The following PHC3 variants were observed in gnomAD, a reference collection of about 807,000 sequenced individuals.
PHC3 encodes the protein polyhomeotic homolog 3.
A neutral mutation model predicts 107.4 loss-of-function variants in PHC3; 13 were observed. The ratio of observed to expected loss-of-function variants is 0.12; its 90% CI spans 0.08 to 0.19. The LOEUF (loss-of-function observed/expected upper bound fraction) is 0.19, where lower values mean the gene tolerates loss of function less well. Among genes scored for constraint, PHC3 ranks in the 10% least tolerant of loss-of-function variants. The pLI is 1.00. For synonymous variants in PHC3, 456 were observed against 427.4 expected (o/e 1.07, Z -0.83); for missense variants, 992 against 1,210.9 (o/e 0.82, Z 2.68).
In PHC3 at chr3:170,088,179, C is replaced by T. The variant is rs1204465455; in HGVS notation, c.*9051G>A. ...TTTCTGTAAAGATAAAAAATGTTTT[C>T]TTTCCCCTTGGTGATCTTTGTTCAT... On this transcript the variant is annotated 3_prime_UTR_variant, in exon 15 of 15. Transcript: ENST00000495893. 2 of 152,074 alleles carry T rather than the reference C, an allele frequency of 1.3e-5. No individual in the cohort carries two copies. Among genetic ancestry groups the T allele is most frequent in the African/African-American group, 4.8e-5 (2 of 41,442 alleles). The allele number at this position is 152,074 out of a possible 1,614,324, so 9.4% of individuals were successfully genotyped here.
At chr3:170,119,050 A>AG (rs965061654) in intron 9 of PHC3, among the ~76,000 whole-genome samples, 17 of 151,500 alleles carry the variant, frequency 1.1e-4, no homozygotes, top group South Asian at 1.0e-3. Context: ...AAAAAAAAAA[A>AG]AAAAAGAAAA....
In PHC3 at chr3:170,103,881, C is replaced by T. The variant is rs949735370; in HGVS notation, c.2469-947G>A. ...AGTAAATGGCAAGACCAGTTCAAGG[C>T]CAACACGGTGAAAACCCGTCTCTAC... On this transcript the variant is annotated intron_variant, in intron 12 of 14. Coordinates refer to ENST00000495893, the MANE Select transcript of PHC3 (RefSeq NM_024947.4). Among the ~76,000 whole-genome samples the T allele has an allele frequency of 2.0e-5, 3 of 152,102 alleles. No individual in the cohort carries two copies. The South Asian group carries it at 6.2e-4, about 32-fold the overall frequency.
chr3:170,156,327 G>A (rs1005919975), intron 4 of PHC3, among the ~76,000 whole-genome samples: 2 of 151,950 alleles, frequency 1.3e-5, no homozygotes, highest in Non-Finnish European at 2.9e-5. Context: ...CACAATCTCC[G>A]CTCACTGCAA....
intron 6 of PHC3, among the ~76,000 whole-genome samples, chr3:170,137,428 G>C (rs1723280872): frequency 1.3e-5 from 2 of 152,200 alleles, no homozygotes; most frequent in Non-Finnish European, 1.5e-5. Flanking sequence ...ATGCAAGACA[G>C]AAAAATGCTG....
chr3:170,112,025 T>C (rs1341796202), intron 11 of PHC3, among the ~76,000 whole-genome samples: 5 of 152,138 alleles, frequency 3.3e-5, no homozygotes, highest in African/African-American at 9.7e-5. Context: ...CTGAACTCTA[T>C]CACCTGAAGG....
rs1721880335 is a variant in PHC3, at chr3:170,129,348, G to T, written c.1124C>A (p.Ala375Asp). 6.2e-7 allele frequency: 1 copy of T among 1,613,858 alleles called. No homozygotes were observed. Among genetic ancestry groups the T allele is most frequent in the African/African-American group, 1.3e-5 (1 of 74,926 alleles). ...IPLQNHGLPPAPSNAQSQHCS... is the reference protein window; with the variant it reads ...IPLQNHGLPPDPSNAQSQHCS... ...ATGCTGTGACTGGGCATTACTGGGAGCTGGAGGAAGGCCATGGTTCTGGAG... is the reference window on the plus strand; with the variant it reads ...ATGCTGTGACTGGGCATTACTGGGATCTGGAGGAAGGCCATGGTTCTGGAG... The change falls in exon 8 of 15, where the codon GCT (alanine) becomes GAT (aspartate). Residue 375 changes from alanine (A) to aspartate (D), a missense_variant. Coordinates refer to ENST00000495893, the MANE Select transcript of PHC3 (RefSeq NM_024947.4).
chr3:170,123,268 TTA>T (rs778288331), intron 8 of PHC3, among the ~76,000 whole-genome samples: 18 of 151,966 alleles, frequency 1.2e-4, no homozygotes, highest in Non-Finnish European at 2.4e-4. Flanking sequence ...AGATACGCAA[TTA>T]TATCTCTCCT....
intron 2 of PHC3, among the ~76,000 whole-genome samples, chr3:170,177,286 C>T (rs1410932059): frequency 6.6e-6 from 1 of 152,176 alleles, no homozygotes; most frequent in Non-Finnish European, 1.5e-5. Flanking sequence ...ACTGTAGCAG[C>T]ACCTAGAGAC....
chr3:170,102,649 G>T lies in PHC3; in HGVS notation c.2663C>A (p.Ser888Tyr). The stretch of plus-strand genomic sequence containing the variant: ...CCTGCGCAGACGAGTTGTCATAGCA[G>T]ATGGCACAGAATCTTCATGAGAAGC... ...DLASHEDSVP[S>Y]AMTTRLRRQS... The change falls in exon 14 of 15, where the codon TCT becomes TAT. Residue 888 changes from serine (S) to tyrosine (Y), a missense_variant. Coordinates refer to ENST00000495893, the MANE Select transcript of PHC3 (RefSeq NM_024947.4). 3 of 1,613,998 alleles carry T rather than the reference G, an allele frequency of 1.9e-6. No homozygotes were observed. The highest frequency in any genetic ancestry group is 2.5e-6 in the Non-Finnish European group (3 of 1,179,878).
chr3:170,125,200 G>A (rs888410661), intron 8 of PHC3, among the ~76,000 whole-genome samples: 9 of 151,852 alleles, frequency 5.9e-5, no homozygotes, highest in East Asian at 3.9e-4. Context: ...GTTATTGTTC[G>A]GAGCAACAAT....
intron 4 of PHC3, among the ~76,000 whole-genome samples, chr3:170,151,725 T>C (rs1228151236): frequency 1.3e-5 from 2 of 152,198 alleles, no homozygotes; most frequent in Non-Finnish European, 2.9e-5. Flanking sequence ...GAAGCTTGCA[T>C]CTGCCCTGCT....
chr3:170,113,456 C>A lies in PHC3; in HGVS notation c.2257G>T (p.Val753Leu), dbSNP rs764596377. The change falls in exon 11 of 15, where the codon GTG (valine) becomes TTG (leucine). Residue 753 changes from valine (V) to leucine (L), a missense_variant. By Grantham distance (32) the Val-to-Leu change is conservative. This residue lies in a region of PHC3 where 228 missense variants were observed against 288.8 expected (regional missense o/e 0.79). Coordinates refer to ENST00000495893, the MANE Select transcript of PHC3 (RefSeq NM_024947.4). ...GGCTGAACACACACTGAATTTATCA[C>A]CTGATTATCCAAAAGAGGCCGTTTT... ...VKKRPLLDNQ[V>L]INSVCVQPEL... 6 of 1,612,814 alleles carry A rather than the reference C, an allele frequency of 3.7e-6. No homozygotes were observed. Among genetic ancestry groups the A allele is most frequent in the Admixed American group, 3.3e-5 (2 of 59,906 alleles).
chr3:170,112,725 TGTTGGTCAG>T (rs976582430), intron 11 of PHC3, among the ~76,000 whole-genome samples: 1 of 152,120 alleles, frequency 6.6e-6, no homozygotes, highest in Non-Finnish European at 1.5e-5. Context: ...GGTTTCACCA[TGTTGGTCAG>T]GCTGGTCTCA....
Position 170,173,854 on chromosome 3 carries a change from T to C in PHC3, c.181-1142A>G, listed in dbSNP as rs145899370. Among the ~76,000 whole-genome samples the C allele has an allele frequency of 4.8e-3, 731 of 152,320 alleles. 5 individuals carry two copies. The highest frequency in any genetic ancestry group is 0.017 in the African/African-American group (699 of 41,566). ...CTTCTACTTCATACTCTTCTATAGA[T>C]GTCTGAAAATCTTACAATGAGCAGG... On this transcript the variant is annotated intron_variant, in intron 2 of 14. Coordinates refer to ENST00000495893, the MANE Select transcript of PHC3 (RefSeq NM_024947.4).
intron 14 of PHC3, among the ~76,000 whole-genome samples, chr3:170,101,758 T>C (rs1319093643): frequency 1.3e-5 from 2 of 152,060 alleles, no homozygotes; most frequent in African/African-American, 2.4e-5. Context: ...TTGGAGAAGG[T>C]GGATATAAAA....
At chr3:170,168,670 C>T (rs549188241) in intron 4 of PHC3, among the ~76,000 whole-genome samples, 44 of 145,034 alleles carry the variant, frequency 3.0e-4, no homozygotes, top group Non-Finnish European at 5.7e-4. Flanking sequence ...AGGAGAATGG[C>T]GTGAACTCGG....
intron 6 of PHC3, among the ~76,000 whole-genome samples, chr3:170,138,254 T>C (rs1239044634): frequency 1.3e-5 from 2 of 152,098 alleles, no homozygotes; most frequent in Admixed American, 1.3e-4. Context: ...GGCCAAACTT[T>C]TCATCAGTTC....
chr3:170,162,179 T>C (rs1262534848), intron 4 of PHC3, among the ~76,000 whole-genome samples: 6 of 152,172 alleles, frequency 3.9e-5, no homozygotes. Flanking sequence ...TACTCAACTT[T>C]CTCTCATCAC....
In PHC3 at chr3:170,129,054, G is replaced by A. The variant is rs755217032; in HGVS notation, c.1418C>T (p.Ser473Phe). 2 of 1,612,120 alleles carry A rather than the reference G, an allele frequency of 1.2e-6. No homozygotes were observed. Among genetic ancestry groups the A allele is most frequent in the South Asian group, 1.1e-5 (1 of 90,818 alleles). ...NLPSHLPLPA[S>F]PVVHIGPVQQ... ...AACTGGGCCAATGTGTACAACAGGG[G>A]AAGCTGGAAGTGGAAGATGGGATGG... Residue 473 changes from serine (S) to phenylalanine (F), a missense_variant, in exon 8 of 15, where the codon TCC becomes TTC. Ser to Phe is a radical substitution (Grantham distance 155). Transcript: ENST00000495893.
Sources: gnomAD v4.1 joint callset for allele counts (sites outside exome capture counted in the v4.1 genomes callset) on GRCh38, gnomAD v4.1.1 for gene constraint, gnomAD v4.1.1 regional missense constraint, MANE v1.5 for transcripts, NCBI Gene and HGNC (gene_info 2026-07-23, HGNC 2026-07-21) for gene names.